The following ETV3 variants were observed in gnomAD, a reference collection of about 807,000 sequenced individuals.
The protein encoded by ETV3 is ETS variant transcription factor 3, also known as ETS translocation variant 3.
Under a neutral mutation model 33.0 loss-of-function variants are expected in ETV3, and 8 were observed. The ratio of observed to expected loss-of-function variants is 0.24; its 90% CI spans 0.14 to 0.44. The LOEUF is 0.44. ETV3 is among the 20% of genes least tolerant of loss of function. The pLI is 1.00. For missense variants in ETV3, 473 were observed against 652.3 expected (o/e 0.73, Z 2.99); for synonymous variants, 222 against 238.9 (o/e 0.93, Z 0.65).
At chr1:157,135,433 C>T in intron 3 of ETV3, 38 bp downstream of exon 3, 2 of 1,604,108 alleles carry the variant, frequency 1.2e-6, no homozygotes, top group Non-Finnish European at 1.7e-6. Context: ...AGTCTCCTTC[C>T]AATCTGTTAA....
At chr1:157,133,615 A>C (rs1675024477) in intron 4 of ETV3, 1 of 987,202 alleles carries the variant, frequency 1.0e-6, no homozygotes. Flanking sequence ...TTGCAGATCA[A>C]AGACACTGCT....
At chr1:157,126,461 A>G (rs12096505) in intron 4 of ETV3, among the ~76,000 whole-genome samples, 15,542 of 152,206 alleles carry the variant, frequency 0.1, 1,742 homozygotes, top group African/African-American at 0.28. Flanking sequence ...GGCCATATAT[A>G]TATATTCGTG....
In ETV3 at chr1:157,132,836, G is replaced by A. The variant is rs116587965; in HGVS notation, c.400+1276C>T. On this transcript the variant is annotated intron_variant, in intron 4 of 4. Transcript: ENST00000368192. ...GAAACTGTAATGATAGCAGAGTCAA[G>A]CTAAAACTGCCCTAACTTGTTGTGT... 8.3e-3 allele frequency among the ~76,000 whole-genome samples: 1,258 copies of A among 152,024 alleles called. 16 individuals carry two copies. Among genetic ancestry groups the A allele is most frequent in the African/African-American group, 0.029 (1,203 of 41,414 alleles).
At position 157,127,262 on chromosome 1, in the gene ETV3, GTTTAATT is replaced by G. The variant is rs1674864497; in HGVS notation, c.401-1290_401-1284del. Among the ~76,000 whole-genome samples, 3 of 152,344 alleles carry G rather than the reference GTTTAATT, an allele frequency of 2.0e-5. No homozygotes were observed. The East Asian group carries it at 5.8e-4, about 29-fold the overall frequency. On this transcript the variant is annotated intron_variant, in intron 4 of 4. Coordinates refer to ENST00000368192, the MANE Select transcript of ETV3 (RefSeq NM_001145312.3). ...CACTGACCATGTTTTAGTAAAAACA[GTTTAATT>G]TTTAAAAAGGCTACACATTTGTTAA...
intron 3 of ETV3, 67 bp downstream of exon 3, chr1:157,135,404 A>G (rs1173062264): frequency 1.9e-6 from 3 of 1,562,856 alleles, no homozygotes; most frequent in Non-Finnish European, 1.8e-6. Flanking sequence ...CTTTTTATCT[A>G]GCATTCACCA....
intron 3 of ETV3, chr1:157,134,955 A>C (rs1675062510): frequency 6.2e-6 from 1 of 161,202 alleles, no homozygotes; most frequent in Admixed American, 5.8e-5. Flanking sequence ...GAACCTGAGA[A>C]AACTTATAGT....
chr1:157,125,977 C>T lies in ETV3; in HGVS notation c.403G>A (p.Val135Met). The stretch of plus-strand genomic sequence containing the variant: ...ACTGGTGGTGCACTCTGAGGAACCA[C>T]ACCTGTGATGGTGGAAAATACAAAA... ...YPFINIRSSG[V>M]VPQSAPPVPT... Residue 135 changes from valine (V) to methionine (M), a missense_variant and splice_region_variant, in exon 5 of 5, where the codon GTG becomes ATG. By Grantham distance (21) the Val-to-Met change is conservative. Coordinates refer to ENST00000368192, the MANE Select transcript of ETV3 (RefSeq NM_001145312.3). The surrounding 1 kb of genome is among the most constrained non-coding windows in gnomAD (Gnocchi z 4.0). 1 of 1,538,416 alleles carries T rather than the reference C, an allele frequency of 6.5e-7. No individual in the cohort carries two copies. The highest frequency in any genetic ancestry group is 8.8e-7 in the Non-Finnish European group (1 of 1,141,334).
chr1:157,137,343 G>A (rs1571704354), intron 1 of ETV3, among the ~76,000 whole-genome samples: 1 of 152,104 alleles, frequency 6.6e-6, no homozygotes, highest in East Asian at 1.9e-4. Flanking sequence ...CCCGCGTAGG[G>A]ACAAATTCCT....
rs1224937315 is a variant in ETV3 at position 157,125,873 on chromosome 1, G to A, written c.507C>T (p.Phe169=). 1 of 1,551,754 alleles carries A rather than the reference G, an allele frequency of 6.4e-7. No homozygotes were observed. The highest frequency in any genetic ancestry group is 1.2e-5 in the South Asian group (1 of 84,052). Reference sequence around the variant, plus strand: ...CAGAAGCAGTTAGGGAGCTAGCAGAGAACCGTCCCGGCTGCACATCATTGG... The same window carrying A: ...CAGAAGCAGTTAGGGAGCTAGCAGAAAACCGTCCCGGCTGCACATCATTGG... ...SPTNDVQPGR[F]SASSLTASGQ... Residue 169 remains phenylalanine (F), a synonymous_variant, in exon 5 of 5, where the codon TTC becomes TTT. Transcript: ENST00000368192. The surrounding 1 kb of genome is among the most constrained non-coding windows in gnomAD (Gnocchi z 4.0).
At position 157,124,509 on chromosome 1, in the gene ETV3, A is replaced by C. The variant is rs973984970; in HGVS notation, c.*332T>G. Reference sequence around the variant, plus strand: ...TACAATAGAAAAGAAAGAAGTCTGGAACCTGACTATCATGGGACCAAAAAG... The same window carrying C: ...TACAATAGAAAAGAAAGAAGTCTGGCACCTGACTATCATGGGACCAAAAAG... On this transcript the variant is annotated 3_prime_UTR_variant, in exon 5 of 5. Coordinates refer to ENST00000368192, the MANE Select transcript of ETV3 (RefSeq NM_001145312.3). The C allele has an allele frequency of 2.9e-5, 6 of 209,964 alleles. No individual in the cohort carries two copies. The highest frequency in any genetic ancestry group is 5.7e-5 in the Non-Finnish European group (6 of 106,100). The allele number at this position is 209,964 out of a possible 1,614,324, so 13.0% of individuals were successfully genotyped here.
intron 4 of ETV3, among the ~76,000 whole-genome samples, chr1:157,127,585 G>A (rs1674871438): frequency 7.5e-6 from 1 of 133,938 alleles, no homozygotes; most frequent in South Asian, 2.3e-4. Flanking sequence ...TCACTCTGTT[G>A]CCCAGGCTGG....
intron 1 of ETV3, among the ~76,000 whole-genome samples, chr1:157,138,024 G>A (rs1286772180): frequency 6.6e-6 from 1 of 152,174 alleles, no homozygotes; most frequent in Non-Finnish European, 1.5e-5. Context: ...AGCAGCTCCG[G>A]GTCCTGGCTT....
intron 3 of ETV3, 70 bp from the exon 4 acceptor site, chr1:157,134,297 A>G: frequency 6.5e-7 from 1 of 1,544,544 alleles, no homozygotes. Context: ...TTAGGTAGCC[A>G]CTGAGACCAA....
chr1:157,136,533 C>T (rs1372440314), intron 1 of ETV3, among the ~76,000 whole-genome samples, 168 bp from the exon 2 acceptor site: 1 of 152,188 alleles, frequency 6.6e-6, no homozygotes, highest in Non-Finnish European at 1.5e-5. Flanking sequence ...CCCAAGTTAT[C>T]AAATGATGGG....
At position 157,122,187 on chromosome 1, in the gene ETV3, G is replaced by A. The variant is rs765786992; in HGVS notation, c.*2654C>T. ...AGATGCTCACAGAAGAAAAAGGCCT[G>A]GCTTTGTACCAGGCTGGCGACAGGT... is the stretch of plus-strand genomic sequence containing the variant. On this transcript the variant is annotated 3_prime_UTR_variant, in exon 5 of 5. Transcript: ENST00000368192. 2.6e-5 allele frequency: 4 copies of A among 152,104 alleles called. No homozygotes were observed. Among genetic ancestry groups the A allele is most frequent in the Non-Finnish European group, 5.9e-5 (4 of 68,016 alleles). The allele number at this position is 152,104 out of a possible 1,614,324, so 9.4% of individuals were successfully genotyped here. A position where few individuals can be genotyped will look rare whatever the true frequency, so the allele number is the denominator to read the frequency against.
At chr1:157,128,450 G>T in intron 4 of ETV3, 1 of 328,862 alleles carries the variant, frequency 3.0e-6, no homozygotes, top group South Asian at 3.2e-5. Flanking sequence ...CACGAGACTG[G>T]GCCTAATCTC....
At position 157,133,282 on chromosome 1, in the gene ETV3, G is replaced by GA. The variant is rs1324243356; in HGVS notation, c.400+829dup. The GA allele has an allele frequency of 2.2e-5, 11 of 493,152 alleles. No homozygotes were observed. The Admixed American group carries it at 3.2e-4, about 14-fold the overall frequency. 30.5% of individuals were successfully genotyped at this position (493,152 alleles called of 1,614,324 possible). ...ATACATATGAGTGGGGTTAAGGGAA[G>GA]AAAAAACATCATATATATGAATGGA... On this transcript the variant is annotated intron_variant, in intron 4 of 4. Coordinates refer to ENST00000368192, the MANE Select transcript of ETV3 (RefSeq NM_001145312.3).
intron 4 of ETV3, chr1:157,133,697 T>C (rs1675026457): frequency 1.0e-6 from 1 of 996,528 alleles, no homozygotes; most frequent in Non-Finnish European, 1.2e-6. Context: ...ATTCACTTGA[T>C]AAGGGAGAGC....
chr1:157,132,938 C>T (rs774765250), intron 4 of ETV3, among the ~76,000 whole-genome samples: 35 of 152,112 alleles, frequency 2.3e-4, no homozygotes, highest in Non-Finnish European at 4.0e-4. Context: ...AGGTTTCTTC[C>T]AGCTTTTCTG....
Sources: gnomAD v4.1 joint callset for allele counts (sites outside exome capture counted in the v4.1 genomes callset) on GRCh38, gnomAD v4.1.1 for gene constraint, Gnocchi (gnomAD v3.1) non-coding constraint, MANE v1.5 for transcripts, NCBI Gene and HGNC (gene_info 2026-07-23, HGNC 2026-07-21) for gene names.